The following ORAI2 variants were observed in gnomAD, a reference collection of about 807,000 sequenced individuals.
The protein encoded by ORAI2 is ORAI calcium release-activated calcium modulator 2.
Under a neutral mutation model 16.2 loss-of-function variants are expected in ORAI2, and 10 were observed. The ratio of observed to expected loss-of-function variants is 0.62; its 90% confidence interval spans 0.38 to 1.04. The LOEUF (loss-of-function observed/expected upper bound fraction) is 1.04. Ranked by LOEUF, ORAI2 falls within the 50% of genes least tolerant of loss-of-function variation. The pLI, the probability that ORAI2 is intolerant of heterozygous loss-of-function variation, is 0.01. For synonymous variants in ORAI2, 150 were observed against 157.5 expected, an observed-to-expected ratio of 0.95 and a Z score of 0.35; for missense variants, 238 against 355.5, an observed-to-expected ratio of 0.67 and a Z score of 2.66.
intron 2 of ORAI2, among the ~76,000 whole-genome samples, chr7:102,436,749 C>A (rs1206342245): frequency 6.6e-6 from 1 of 152,002 alleles, no homozygotes; most frequent in Non-Finnish European, 1.5e-5. Context: ...CCTGCTCTGT[C>A]ACCCAGGCTG....
chr7:102,445,072 T>C (rs929599295), intron 3 of ORAI2, among the ~76,000 whole-genome samples: 7 of 57,116 alleles, frequency 1.2e-4, no homozygotes, highest in African/African-American at 3.4e-4. Context: ...TTTGCTTCCT[T>C]AGCAGACCCA....
chr7:102,447,233 G>C lies in ORAI2; in HGVS notation c.*181G>C. ...GATAGAACCGTTTGGTTCAATGAGG[G>C]ACTGTGTTGCTAAGAGCGTTGGGGG... On this transcript the variant is annotated 3_prime_UTR_variant, in exon 4 of 4. Transcript: ENST00000495936. 1.4e-6 allele frequency: 1 copy of C among 733,954 alleles called. No homozygotes were observed. The highest frequency in any genetic ancestry group is 2.2e-6 in the Non-Finnish European group (1 of 463,274). The allele number at this position is 733,954 out of a possible 1,614,324, so 45.5% of individuals were successfully genotyped here.
At chr7:102,441,236 T>A (rs2133226311) in intron 3 of ORAI2, among the ~76,000 whole-genome samples, 1 of 151,320 alleles carries the variant, frequency 6.6e-6, no homozygotes, top group African/African-American at 2.4e-5. Context: ...GTTAGATTGA[T>A]GGTGCAATTT....
intron 2 of ORAI2, among the ~76,000 whole-genome samples, chr7:102,438,498 G>A (rs535275636): frequency 3.2e-4 from 49 of 152,226 alleles, no homozygotes; most frequent in African/African-American, 1.2e-3. Context: ...TGGAAGGCTG[G>A]GCGCAGTGGC....
rs1333130736 is a variant in ORAI2 at position 102,453,538 on chromosome 7, G to GGCT, written c.*6489_*6491dup. 1 of 152,274 alleles carries GGCT rather than the reference G, an allele frequency of 6.6e-6. No homozygotes were observed. Among genetic ancestry groups the GGCT allele is most frequent in the Admixed American group, 6.5e-5 (1 of 15,284 alleles). The allele number at this position is 152,274 out of a possible 1,614,324, so 9.4% of individuals were successfully genotyped here. A position where few individuals can be genotyped will look rare whatever the true frequency, so the allele number is the denominator to read the frequency against. On this transcript the variant is annotated 3_prime_UTR_variant, in exon 4 of 4. Transcript: ENST00000495936. ...TGGTTCTGCCAATCCTGAGAAGCCA[G>GGCT]GCTGCCCCTTGGGCTGGGCAGTGGC... is the stretch of plus-strand genomic sequence containing the variant.
Position 102,450,206 on chromosome 7 carries a change from A to AT in ORAI2, c.*3154_*3155insT, listed in dbSNP as rs1338948134. ...AGTGAGACCCTGTCTCTAAAAAAAA[A>AT]AAAAAGAAAATAAAGAAAAAAGAAT... is the stretch of plus-strand genomic sequence containing the variant. On this transcript the variant is annotated 3_prime_UTR_variant, in exon 4 of 4. Transcript: ENST00000495936. 1 of 152,232 alleles carries AT rather than the reference A, an allele frequency of 6.6e-6. No individual in the cohort carries two copies. The highest frequency in any genetic ancestry group is 1.5e-5 in the Non-Finnish European group (1 of 68,106). The allele number at this position is 152,232 out of a possible 1,614,324, so 9.4% of individuals were successfully genotyped here. A position where few individuals can be genotyped will look rare whatever the true frequency, so the allele number is the denominator to read the frequency against.
intron 3 of ORAI2, among the ~76,000 whole-genome samples, chr7:102,443,980 T>G (rs2133230430): frequency 6.6e-6 from 1 of 152,252 alleles, no homozygotes; most frequent in East Asian, 1.9e-4. Context: ...GTGCTGGGAT[T>G]ACAGGCACCC....
intron 1 of ORAI2, among the ~76,000 whole-genome samples, chr7:102,434,459 G>T (rs538597316): frequency 6.6e-6 from 1 of 152,336 alleles, no homozygotes; most frequent in South Asian, 2.1e-4. Context: ...CCTCACCGAT[G>T]GGGCATGGGA....
At chr7:102,435,297 T>TCTTA (rs1404802014) in intron 1 of ORAI2, among the ~76,000 whole-genome samples, 1 of 152,152 alleles carries the variant, frequency 6.6e-6, no homozygotes, top group African/African-American at 2.4e-5. Context: ...AGAGACAGCG[T>TCTTA]CTTACTCTGT....
At position 102,443,089 on chromosome 7, in the gene ORAI2, TTTCTTCTTCTTCTTC is replaced by T. The variant is rs368278302; in HGVS notation, c.226-3394_226-3380del. ...AACACAGTGAAAAATTGCCTTCTCT[TTTCTTCTTCTTCTTC>T]TTCTTCTTCTTCTTCTTCTTCTTCT... On this transcript the variant is annotated intron_variant, in intron 3 of 3. Transcript: ENST00000495936. Among the ~76,000 whole-genome samples the T allele has an allele frequency of 3.0e-3, 379 of 125,658 alleles. 2 individuals carry two copies. Among genetic ancestry groups the T allele is most frequent in the Non-Finnish European group, 4.1e-3 (256 of 61,972 alleles). The allele number at this position is 125,658 out of a possible 152,430, so 82.4% of individuals were successfully genotyped here.
rs1797397092 is a variant in ORAI2, at chr7:102,447,280, GC to G, written c.*230del. 3 of 568,468 alleles carry G rather than the reference GC, an allele frequency of 5.3e-6. No homozygotes were observed. In the Admixed American group the frequency reaches 1.1e-4, roughly 20 times the overall value. The allele number at this position is 568,468 out of a possible 1,614,324, so 35.2% of individuals were successfully genotyped here. A position where few individuals can be genotyped will look rare whatever the true frequency, so the allele number is the denominator to read the frequency against. On this transcript the variant is annotated 3_prime_UTR_variant, in exon 4 of 4. Coordinates refer to ENST00000495936, the MANE Select transcript of ORAI2 (RefSeq NM_001126340.3). ...GGGGCAAAGCCAGGCTGGTTCCTTGGCCTCGGGGTTTCCTGGGTCGGGGACA... is the reference window on the plus strand; with the variant it reads ...GGGGCAAAGCCAGGCTGGTTCCTTGGCTCGGGGTTTCCTGGGTCGGGGACA...
intron 1 of ORAI2, among the ~76,000 whole-genome samples, chr7:102,434,090 A>C (rs1237864694): frequency 6.7e-6 from 1 of 149,036 alleles, no homozygotes; most frequent in Admixed American, 6.7e-5. Flanking sequence ...GTTATTCTAC[A>C]AGACCTGTTT....
At chr7:102,443,893 GA>G (rs2133230312) in intron 3 of ORAI2, among the ~76,000 whole-genome samples, 1 of 152,126 alleles carries the variant, frequency 6.6e-6, no homozygotes, top group East Asian at 1.9e-4. Flanking sequence ...TTTTAGTAGA[GA>G]TGGGGTTTTA....
chr7:102,438,254 A>G lies in ORAI2; in HGVS notation c.-13-690A>G, dbSNP rs1379602925. Among the ~76,000 whole-genome samples, 33 of 150,616 alleles carry G rather than the reference A, an allele frequency of 2.2e-4. 1 individual carries two copies. The highest frequency in any genetic ancestry group is 2.2e-3 in the Admixed American group (33 of 15,126). On this transcript the variant is annotated intron_variant, in intron 2 of 3. Transcript: ENST00000495936. The stretch of plus-strand genomic sequence containing the variant: ...TCCCAGGTACTTGGGAGGCTGAGGC[A>G]GGAGAATCGCTTGAAGCCGGGAGTC...
rs1416492731 is a variant in ORAI2, at chr7:102,454,904, A to AGG, written c.*7855_*7856dup. 2 of 152,582 alleles carry AGG rather than the reference A, an allele frequency of 1.3e-5. No individual in the cohort carries two copies. Among genetic ancestry groups the AGG allele is most frequent in the Non-Finnish European group, 2.9e-5 (2 of 68,344 alleles). 9.5% of individuals were successfully genotyped at this position (152,582 alleles called of 1,614,324 possible). ...GAAACACATGGGGCAGGCTGGGCAG[A>AGG]GGGGCTCACACCCGTTATTCCCAGC... On this transcript the variant is annotated 3_prime_UTR_variant, in exon 4 of 4. Transcript: ENST00000495936.
chr7:102,441,625 T>C (rs1350656963), intron 3 of ORAI2, among the ~76,000 whole-genome samples: 3 of 151,942 alleles, frequency 2.0e-5, no homozygotes, highest in African/African-American at 7.3e-5. Flanking sequence ...ATTATTGTTA[T>C]TTTTTTCTTC....
At chr7:102,435,176 C>A (rs574074679) in intron 1 of ORAI2, among the ~76,000 whole-genome samples, 1 of 152,202 alleles carries the variant, frequency 6.6e-6, no homozygotes, top group African/African-American at 2.4e-5. Flanking sequence ...GTGGTTGAGG[C>A]GGGAGGATCG....
At chr7:102,438,319 G>A (rs1471307095) in intron 2 of ORAI2, among the ~76,000 whole-genome samples, 3 of 152,106 alleles carry the variant, frequency 2.0e-5, no homozygotes, top group Non-Finnish European at 2.9e-5. Context: ...GCAACTCGGC[G>A]AGACTGTCTC....
rs891385009 is a variant in ORAI2 at position 102,436,300 on chromosome 7, G to A, written c.-47G>A. ...CGGATGTGCGCAAGGAGATGGGATG[G>A]AGAGCCTGAGTTGGCATTCGTATAA... On this transcript the variant is annotated 5_prime_UTR_variant, in exon 2 of 4. It introduces an in-frame stop codon into an upstream open reading frame of the 5' UTR. Transcript: ENST00000495936. The A allele has an allele frequency of 1.2e-5, 12 of 985,586 alleles. No homozygotes were observed. Among genetic ancestry groups the A allele is most frequent in the Non-Finnish European group, 1.4e-5 (12 of 829,988 alleles). The allele number at this position is 985,586 out of a possible 1,614,324, so 61.1% of individuals were successfully genotyped here.
Sources: gnomAD v4.1 joint callset for allele counts (sites outside exome capture counted in the v4.1 genomes callset) on GRCh38, gnomAD v4.1.1 for gene constraint, MANE v1.5 for transcripts, NCBI Gene and HGNC (gene_info 2026-07-23, HGNC 2026-07-21) for gene names.